Variants in GABBR2 observed in about 807,000 individuals in gnomAD.
GABBR2 encodes the protein G-protein coupled receptor 51.
GABBR2 carries 23 observed loss-of-function variants against 105.6 expected under a neutral mutation model. That is an observed-to-expected ratio of 0.22 (90% CI 0.16 to 0.31). The LOEUF (loss-of-function observed/expected upper bound fraction) is 0.31, where lower values mean the gene tolerates loss of function less well. Among genes scored for constraint, GABBR2 ranks in the 10% least tolerant of loss-of-function variants. The pLI, the probability that GABBR2 is intolerant of heterozygous loss-of-function variation, is 1.00. For synonymous variants in GABBR2, 478 were observed against 499.7 expected, an observed-to-expected ratio of 0.96 and a Z score of 0.58; for missense variants, 734 against 1,245.5, an observed-to-expected ratio of 0.59 and a Z score of 6.18.
At chr9:98,643,526 G>A (rs141629655) in intron 1 of GABBR2, among the ~76,000 whole-genome samples, 293 of 152,288 alleles carry the variant, frequency 1.9e-3, no homozygotes, top group Middle Eastern at 0.017. Flanking sequence ...GTTGGAGCCC[G>A]TTCTTTTCTT....
chr9:98,314,016 G>T (rs777067843), intron 13 of GABBR2, among the ~76,000 whole-genome samples: 3 of 152,082 alleles, frequency 2.0e-5, no homozygotes, highest in Non-Finnish European at 2.9e-5. Flanking sequence ...TTTGCCTTTC[G>T]CTGTCCCAAG....
At chr9:98,533,622 C>T (rs1828112077) in intron 3 of GABBR2, among the ~76,000 whole-genome samples, 1 of 152,198 alleles carries the variant, frequency 6.6e-6, no homozygotes, top group South Asian at 2.1e-4. Flanking sequence ...CATTCATCAT[C>T]TCATCTCATC....
intron 4 of GABBR2, among the ~76,000 whole-genome samples, chr9:98,486,977 C>T (rs2131655935): frequency 6.6e-6 from 1 of 152,268 alleles, no homozygotes. Flanking sequence ...ATATGCTTCA[C>T]TCTGTCCGTA....
chr9:98,378,908 T>C lies in GABBR2; in HGVS notation c.1662+6732A>G, dbSNP rs191674305. Among the ~76,000 whole-genome samples, 36 of 152,312 alleles carry C rather than the reference T, an allele frequency of 2.4e-4. 1 individual carries two copies. The East Asian group carries it at 6.9e-3, about 29-fold the overall frequency. ...TACTTTTTTTAAGTAGAAAAGTAGA[T>C]AAAAGAGTTGGGGTGGTCAGCAAGT... On this transcript the variant is annotated intron_variant, in intron 11 of 18. Transcript: ENST00000259455.
At chr9:98,292,346 T>G (rs1463627734) in intron 18 of GABBR2, among the ~76,000 whole-genome samples, 4 of 152,206 alleles carry the variant, frequency 2.6e-5, no homozygotes, top group Non-Finnish European at 5.9e-5. Context: ...AAACCAGAAC[T>G]GGGGAAGCTG....
chr9:98,641,717 T>C (rs1054926072), intron 1 of GABBR2, among the ~76,000 whole-genome samples: 1 of 152,208 alleles, frequency 6.6e-6, no homozygotes, highest in Admixed American at 6.5e-5. Context: ...GTCCTTTTCA[T>C]GTTTCTATGT....
At chr9:98,664,390 T>C (rs886189924) in intron 1 of GABBR2, among the ~76,000 whole-genome samples, 3 of 152,174 alleles carry the variant, frequency 2.0e-5, no homozygotes, top group Non-Finnish European at 4.4e-5. Flanking sequence ...AAGTAGCACC[T>C]CAATTACACT....
chr9:98,581,227 A>G (rs954910328), intron 1 of GABBR2: 7 of 152,436 alleles, frequency 4.6e-5, no homozygotes, highest in African/African-American at 1.7e-4. Context: ...TGAGACGGGA[A>G]TCGTAGGCGG....
chr9:98,619,744 T>C (rs1829642132), intron 1 of GABBR2, among the ~76,000 whole-genome samples: 3 of 152,202 alleles, frequency 2.0e-5, no homozygotes, highest in Admixed American at 2.0e-4. Context: ...CCCTGATTAA[T>C]AGTGTATGAT....
chr9:98,505,478 T>C (rs779360547), intron 3 of GABBR2, among the ~76,000 whole-genome samples: 1 of 150,018 alleles, frequency 6.7e-6, no homozygotes, highest in Non-Finnish European at 1.5e-5. Flanking sequence ...GTGTGACCCA[T>C]GCATGTTCAC....
In GABBR2 at chr9:98,447,063, C is replaced by CT. The variant is rs369338702; in HGVS notation, c.1236+6917dup. ...CCCAGATTCAACCTAAAAAAGACTT[C>CT]TTTTTTTTTTTTTTTTGAGACGGAG... is the stretch of plus-strand genomic sequence containing the variant. On this transcript the variant is annotated intron_variant, in intron 7 of 18. Coordinates refer to ENST00000259455, the MANE Select transcript of GABBR2 (RefSeq NM_005458.8). 6.7e-3 allele frequency among the ~76,000 whole-genome samples: 780 copies of CT among 116,330 alleles called. 86 individuals are homozygous for CT. Among genetic ancestry groups the CT allele is most frequent in the African/African-American group, 0.021 (597 of 28,634 alleles). The allele number at this position is 116,330 out of a possible 152,430, so 76.3% of individuals were successfully genotyped here. A position where few individuals can be genotyped will look rare whatever the true frequency, so the allele number is the denominator to read the frequency against.
At chr9:98,576,714 C>A (rs1234540811) in intron 2 of GABBR2, among the ~76,000 whole-genome samples, 1 of 152,198 alleles carries the variant, frequency 6.6e-6, no homozygotes, top group African/African-American at 2.4e-5. Flanking sequence ...AGAACAGTGT[C>A]TAGCACATGG....
intron 13 of GABBR2, among the ~76,000 whole-genome samples, chr9:98,327,548 T>C (rs1588104240): frequency 6.6e-6 from 1 of 152,148 alleles, no homozygotes; most frequent in African/African-American, 2.4e-5. Context: ...TTAAACATTT[T>C]TAACAAATAA....
At chr9:98,613,110 G>C (rs929016849) in intron 1 of GABBR2, among the ~76,000 whole-genome samples, 1 of 152,124 alleles carries the variant, frequency 6.6e-6, no homozygotes, top group African/African-American at 2.4e-5. Flanking sequence ...TATACCCATA[G>C]CCTTTGGAAT....
intron 4 of GABBR2, among the ~76,000 whole-genome samples, chr9:98,482,146 C>T (rs116247739): frequency 0.01 from 1,584 of 152,342 alleles, 31 homozygotes; most frequent in African/African-American, 0.036. Context: ...TCATCCATCC[C>T]CTCCAGCAGG....
rs1832125321 is a variant in GABBR2 at position 98,388,827 on chromosome 9, T to A, written c.1529+27A>T. On this transcript the variant is annotated intron_variant, in intron 10 of 18. Transcript: ENST00000259455. The surrounding 1 kb of genome is among the most constrained non-coding windows in gnomAD (Gnocchi z 4.4). ...AGGCTTGTCAATTTAGAAAGTGATA[T>A]CACAGAGGAGGACCAGGGTGGCTTA... is the stretch of plus-strand genomic sequence containing the variant. 1 of 1,592,978 alleles carries A rather than the reference T, an allele frequency of 6.3e-7. No homozygotes were observed. Among genetic ancestry groups the A allele is most frequent in the Admixed American group, 1.7e-5 (1 of 59,428 alleles).
chr9:98,518,511 C>T lies in GABBR2; in HGVS notation c.631-21997G>A, dbSNP rs188716424. Among the ~76,000 whole-genome samples, 800 of 152,310 alleles carry T rather than the reference C, an allele frequency of 5.3e-3. 10 individuals carry two copies. Among genetic ancestry groups the T allele is most frequent in the Non-Finnish European group, 8.0e-3 (547 of 68,022 alleles). On this transcript the variant is annotated intron_variant, in intron 3 of 18. Transcript: ENST00000259455. ...CCTTTAAGCCCTATGGTAAATAGCC[C>T]TTCCTCCATGAAGTCCTTCTGGATT... is the stretch of plus-strand genomic sequence containing the variant.
intron 2 of GABBR2, among the ~76,000 whole-genome samples, chr9:98,550,221 A>T (rs896637595): frequency 1.3e-5 from 2 of 152,198 alleles, no homozygotes; most frequent in African/African-American, 2.4e-5. Flanking sequence ...AATCGTATGG[A>T]TAAGAAAACC....
chr9:98,312,449 C>T lies in GABBR2; in HGVS notation c.1894-1244G>A, dbSNP rs572479170. ...ATAAGTAAGAGTCACATCAGGGGGA[C>T]GCGTTGGCACTCTGTGATCACTTGG... is the stretch of plus-strand genomic sequence containing the variant. On this transcript the variant is annotated intron_variant, in intron 13 of 18. Coordinates refer to ENST00000259455, the MANE Select transcript of GABBR2 (RefSeq NM_005458.8). 6.6e-5 allele frequency among the ~76,000 whole-genome samples: 10 copies of T among 152,294 alleles called. No individual in the cohort carries two copies. The South Asian group carries it at 1.5e-3, about 22-fold the overall frequency.
Sources: gnomAD v4.1 joint callset for allele counts (sites outside exome capture counted in the v4.1 genomes callset) on GRCh38, gnomAD v4.1.1 for gene constraint, Gnocchi (gnomAD v3.1) non-coding constraint, MANE v1.5 for transcripts, NCBI Gene and HGNC (gene_info 2026-07-23, HGNC 2026-07-21) for gene names.